ITGA8: variants seen among roughly 807,000 people sequenced by gnomAD.
ITGA8 encodes the protein integrin alpha-8.
A neutral mutation model predicts 142.3 loss-of-function variants in ITGA8; 91 were observed. That is an observed-to-expected ratio of 0.64 (90% CI 0.54 to 0.76). The LOEUF (loss-of-function observed/expected upper bound fraction) is 0.76. Ranked by LOEUF, ITGA8 falls within the 30% of genes least tolerant of loss-of-function variation. ITGA8 has a pLI of 0.00. For missense variants in ITGA8, 1,406 were observed against 1,327.7 expected, an observed-to-expected ratio of 1.06 and a Z score of -0.92; for synonymous variants, 505 against 485.2, an observed-to-expected ratio of 1.04 and a Z score of -0.54.
At chr10:15,630,340 A>T (rs1483576919) in intron 13 of ITGA8, among the ~76,000 whole-genome samples, 1 of 152,088 alleles carries the variant, frequency 6.6e-6, no homozygotes, top group Non-Finnish European at 1.5e-5. Context: ...ATTCATATTC[A>T]TTCATTCAAT....
intron 9 of ITGA8, among the ~76,000 whole-genome samples, chr10:15,659,923 C>G (rs1263217660): frequency 6.6e-6 from 1 of 152,058 alleles, no homozygotes; most frequent in Non-Finnish European, 1.5e-5. Flanking sequence ...GTCCTGCCCA[C>G]AATTTGATGT....
At chr10:15,596,754 A>G (rs961364695) in intron 21 of ITGA8, 1 of 157,380 alleles carries the variant, frequency 6.4e-6, no homozygotes, top group African/African-American at 2.4e-5. Context: ...GCAAATACGT[A>G]CCTGAATCTC....
At position 15,719,834 on chromosome 10, in the gene ITGA8, A is replaced by T; in HGVS notation, c.-63T>A. On this transcript the variant is annotated 5_prime_UTR_variant, in exon 1 of 30. The change creates a new upstream start codon in the 5' untranslated region. Transcript: ENST00000378076. ...GCGAGCCGAGGACCCCTGCGGGGCA[A>T]GGGGGGCTGGTGGAATCTGGCGGTC... 1 of 1,175,274 alleles carries T rather than the reference A, an allele frequency of 8.5e-7. No individual in the cohort carries two copies. The highest frequency in any genetic ancestry group is 3.2e-5 in the East Asian group (1 of 31,168). 72.8% of individuals were successfully genotyped at this position (1,175,274 alleles called of 1,614,324 possible). A position where few individuals can be genotyped will look rare whatever the true frequency, so the allele number is the denominator to read the frequency against.
At chr10:15,644,321 G>A (rs1389225967) in intron 12 of ITGA8, 100 bp from the exon 13 acceptor site, 9 of 1,133,700 alleles carry the variant, frequency 7.9e-6, no homozygotes, top group Non-Finnish European at 9.9e-6. Flanking sequence ...AAGCTGGAGT[G>A]CAGTGGTGGG....
At chr10:15,561,604 A>G (rs1833982855) in intron 25 of ITGA8, among the ~76,000 whole-genome samples, 1 of 152,312 alleles carries the variant, frequency 6.6e-6, no homozygotes, top group Non-Finnish European at 1.5e-5. Context: ...AACAAAGTTT[A>G]TAGAACCCAA....
rs149745919 is a variant in ITGA8, at chr10:15,558,089, G to T, written c.2751C>A (p.Ser917Arg). 6.2e-7 allele frequency: 1 copy of T among 1,614,014 alleles called. No homozygotes were observed. The highest frequency in any genetic ancestry group is 8.5e-7 in the Non-Finnish European group (1 of 1,180,026). The change falls in exon 26 of 30, where the codon AGC becomes AGA. Residue 917 changes from serine to arginine, a missense_variant. Transcript: ENST00000378076. ...DVHVVEFHRQ[S>R]PAKILNCTNI... ...GATAACTCACCAGTATTTTTGCAGG[G>T]CTCTGTCTGTGGAATTCGACCACAT...
At chr10:15,627,497 C>T (rs1165999458) in intron 13 of ITGA8, among the ~76,000 whole-genome samples, 3 of 152,166 alleles carry the variant, frequency 2.0e-5, no homozygotes, top group East Asian at 3.9e-4. Flanking sequence ...TGCAGGAAAA[C>T]GTCAGTAAGA....
At chr10:15,644,263 T>C (rs1230577992) in intron 12 of ITGA8, 42 bp from the exon 13 acceptor site, 1 of 1,527,646 alleles carries the variant, frequency 6.5e-7, no homozygotes, top group Non-Finnish European at 8.8e-7. Context: ...TATATGTATT[T>C]AATTCTTCAT....
At chr10:15,576,540 T>C (rs1302836553) in intron 23 of ITGA8, among the ~76,000 whole-genome samples, 1 of 152,164 alleles carries the variant, frequency 6.6e-6, no homozygotes. Context: ...ACAGAAAACA[T>C]CTCTTTTGGC....
chr10:15,532,310 T>C (rs1833320156), intron 27 of ITGA8, among the ~76,000 whole-genome samples: 1 of 148,514 alleles, frequency 6.7e-6, no homozygotes, highest in Non-Finnish European at 1.5e-5. Context: ...TCCCAGCTAC[T>C]CAGGAGGCTG....
intron 20 of ITGA8, among the ~76,000 whole-genome samples, chr10:15,597,883 A>G (rs1833035440): frequency 6.6e-6 from 1 of 152,158 alleles, no homozygotes; most frequent in Admixed American, 6.6e-5. Context: ...TCCTATTCCA[A>G]GTAGAGTTCA....
intron 15 of ITGA8, among the ~76,000 whole-genome samples, chr10:15,608,775 T>C (rs776304210): frequency 1.4e-4 from 22 of 152,008 alleles, no homozygotes; most frequent in Non-Finnish European, 3.1e-4. Context: ...GGTGGATCGG[T>C]GAGGAACAGG....
At chr10:15,711,206 C>T (rs1424642902) in intron 2 of ITGA8, among the ~76,000 whole-genome samples, 1 of 152,186 alleles carries the variant, frequency 6.6e-6, no homozygotes, top group Non-Finnish European at 1.5e-5. Flanking sequence ...CTCTTCTTAT[C>T]AAACACATTC....
Position 15,711,379 on chromosome 10 carries a change from T to C in ITGA8, c.343+7387A>G, listed in dbSNP as rs1259900645. 5.9e-5 allele frequency among the ~76,000 whole-genome samples: 9 copies of C among 152,140 alleles called. 1 individual carries two copies. ...TCAGACCCTCCCATAGCCTAAGAGC[T>C]TATTGACCATGGGCTCAGAGCAACA... is the stretch of plus-strand genomic sequence containing the variant. On this transcript the variant is annotated intron_variant, in intron 2 of 29. Coordinates refer to ENST00000378076, the MANE Select transcript of ITGA8 (RefSeq NM_003638.3).
intron 28 of ITGA8, among the ~76,000 whole-genome samples, chr10:15,525,586 G>A (rs577928363): frequency 3.6e-5 from 5 of 139,618 alleles, no homozygotes; most frequent in Admixed American, 7.8e-5. Context: ...AGGTTGCAGT[G>A]AGCTGACATC....
chr10:15,537,936 A>T lies in ITGA8; in HGVS notation c.2881-6785T>A, dbSNP rs532484771. ...AGTTTGAGACAAGCCTGGGTAGCAC[A>T]GTGAGACTTCATCTCTACAAAAAAC... is the stretch of plus-strand genomic sequence containing the variant. On this transcript the variant is annotated intron_variant, in intron 27 of 29. Coordinates refer to ENST00000378076, the MANE Select transcript of ITGA8 (RefSeq NM_003638.3). Among the ~76,000 whole-genome samples the T allele has an allele frequency of 2.6e-5, 4 of 151,756 alleles. No homozygotes were observed. In the South Asian group the frequency reaches 8.3e-4, roughly 32 times the overall value.
At chr10:15,662,084 A>G (rs1293699421) in intron 8 of ITGA8, among the ~76,000 whole-genome samples, 4 of 152,250 alleles carry the variant, frequency 2.6e-5, no homozygotes, top group East Asian at 1.9e-4. Context: ...TTTTTAAAGT[A>G]TCAGTCTCCC....
chr10:15,703,483 T>A (rs1339993322), intron 2 of ITGA8, among the ~76,000 whole-genome samples: 8 of 152,178 alleles, frequency 5.3e-5, no homozygotes, highest in Non-Finnish European at 1.2e-4. Flanking sequence ...ACGATGCAAA[T>A]AATATTTTGG....
intron 27 of ITGA8, 45 bp from the exon 28 acceptor site, chr10:15,531,196 T>C (rs1048076332): frequency 1.9e-6 from 2 of 1,058,910 alleles, no homozygotes; most frequent in Non-Finnish European, 1.3e-6. Flanking sequence ...TATAAAGTTT[T>C]TAAGAGTTAT....
Sources: allele counts gnomAD v4.1 joint callset (sites outside exome capture counted in the v4.1 genomes callset), GRCh38; gene constraint gnomAD v4.1.1; transcripts MANE v1.5; gene names NCBI Gene and HGNC (gene_info 2026-07-23, HGNC 2026-07-21).